Variants in PCDH15 observed in about 807,000 individuals in gnomAD.
PCDH15 encodes the protein protocadherin-15.
Under a neutral mutation model 178.5 loss-of-function variants are expected in PCDH15, and 129 were observed. The observed-to-expected ratio is 0.72, with a 90% confidence interval of 0.63 to 0.84. PCDH15 has a LOEUF of 0.84. Among genes scored for constraint, PCDH15 ranks in the 40% least tolerant of loss-of-function variants. The pLI is 0.00. For missense variants in PCDH15, 2,230 were observed against 2,099.9 expected (o/e 1.06, Z -1.21); for synonymous variants, 800 against 732.0 (o/e 1.09, Z -1.50).
intron 2 of PCDH15, among the ~76,000 whole-genome samples, chr10:55,533,429 C>T (rs12250581): frequency 6.6e-6 from 1 of 151,980 alleles, no homozygotes; most frequent in Non-Finnish European, 1.5e-5. Context: ...TTTCTATACA[C>T]TAATAATGTC....
At chr10:54,086,401 T>C (rs2094517733) in intron 16 of PCDH15, among the ~76,000 whole-genome samples, 1 of 152,094 alleles carries the variant, frequency 6.6e-6, no homozygotes, top group Non-Finnish European at 1.5e-5. Flanking sequence ...AGGCCCCATC[T>C]CCAACATGAG....
intron 9 of PCDH15, among the ~76,000 whole-genome samples, chr10:54,232,454 C>T (rs2054171345): frequency 6.6e-6 from 1 of 152,178 alleles, no homozygotes; most frequent in East Asian, 1.9e-4. Flanking sequence ...AACAGACTAA[C>T]ACAGAAGAGG....
At chr10:55,526,971 T>C (rs765764386) in intron 2 of PCDH15, among the ~76,000 whole-genome samples, 4 of 152,184 alleles carry the variant, frequency 2.6e-5, no homozygotes, top group South Asian at 4.1e-4. Flanking sequence ...TGCCTAGCTG[T>C]TTTTATTATG....
chr10:54,153,240 G>C lies in PCDH15; in HGVS notation c.1644C>G (p.Ile548Met). 2.5e-6 allele frequency: 4 copies of C among 1,613,808 alleles called. No homozygotes were observed. The highest frequency in any genetic ancestry group is 3.4e-6 in the Non-Finnish European group (4 of 1,179,866). The change falls in exon 14 of 38, where the codon ATC (isoleucine) becomes ATG (methionine). Residue 548 changes from isoleucine to methionine, a missense_variant. By Grantham distance (10) the Ile-to-Met change is conservative. Coordinates refer to ENST00000644397, the MANE Select transcript of PCDH15 (RefSeq NM_001384140.1). ...TGAAGTCTCCCTGAGCCCCAACAAGGATTTCATATGTGATCTCCCCATTTG... is the reference window on the plus strand; with the variant it reads ...TGAAGTCTCCCTGAGCCCCAACAAGCATTTCATATGTGATCTCCCCATTTG... Reference protein sequence around the residue: ...EGSNGEITYEILVGAQGDFII... With the variant: ...EGSNGEITYEMLVGAQGDFII...
At chr10:54,961,376 G>C (rs886562094) in intron 2 of PCDH15, among the ~76,000 whole-genome samples, 5 of 152,202 alleles carry the variant, frequency 3.3e-5, no homozygotes. Flanking sequence ...TGAACATCCT[G>C]GGTGCTATGG....
At chr10:54,543,888 G>C (rs998120541) in intron 2 of PCDH15, among the ~76,000 whole-genome samples, 11 of 152,134 alleles carry the variant, frequency 7.2e-5, no homozygotes, top group Admixed American at 3.3e-4. Context: ...TAGTCCCAAT[G>C]CACTTTCTCT....
chr10:54,677,951 T>C (rs577552864), intron 1 of PCDH15, among the ~76,000 whole-genome samples: 25 of 152,246 alleles, frequency 1.6e-4, no homozygotes, highest in African/African-American at 5.8e-4. Context: ...AATCACAATC[T>C]TTGAAAATTC....
chr10:54,600,211 G>T (rs2092459653), intron 2 of PCDH15: 6 of 609,562 alleles, frequency 9.8e-6, no homozygotes, highest in South Asian at 9.8e-5. Flanking sequence ...GGTGCACTTG[G>T]AGAAAGAGAC....
intron 2 of PCDH15, among the ~76,000 whole-genome samples, chr10:55,426,212 T>A (rs1838750444): frequency 6.6e-6 from 1 of 152,110 alleles, no homozygotes; most frequent in Non-Finnish European, 1.5e-5. Context: ...AGCAGGATAT[T>A]CCCCTGACCT....
intron 2 of PCDH15, among the ~76,000 whole-genome samples, chr10:54,939,079 AT>A (rs1229354987): frequency 6.6e-6 from 1 of 152,114 alleles, no homozygotes; most frequent in Non-Finnish European, 1.5e-5. Flanking sequence ...AAGTCACTGA[AT>A]TTTTGGTATT....
chr10:54,083,557 T>C (rs1003207158), intron 16 of PCDH15, among the ~76,000 whole-genome samples: 3 of 152,216 alleles, frequency 2.0e-5, no homozygotes, highest in Non-Finnish European at 2.9e-5. Context: ...ATTCCATTTC[T>C]GTAGAATATT....
intron 35 of PCDH15, among the ~76,000 whole-genome samples, chr10:53,815,141 T>C (rs995536125): frequency 9.2e-5 from 14 of 152,148 alleles, no homozygotes; most frequent in African/African-American, 1.9e-4. Flanking sequence ...AACACACTAG[T>C]GATTTTCTTG....
chr10:54,834,711 T>G (rs913962375), intron 3 of PCDH15, among the ~76,000 whole-genome samples: 2 of 152,230 alleles, frequency 1.3e-5, no homozygotes, highest in Non-Finnish European at 2.9e-5. Context: ...TTAAGATGTC[T>G]TAGTTTATGT....
At chr10:55,345,715 G>T (rs1249157593) in intron 2 of PCDH15, among the ~76,000 whole-genome samples, 1 of 151,764 alleles carries the variant, frequency 6.6e-6, no homozygotes, top group Non-Finnish European at 1.5e-5. Context: ...TTCATGTTTT[G>T]TATAACAACT....
intron 1 of PCDH15, among the ~76,000 whole-genome samples, chr10:54,761,419 T>C (rs1051217445): frequency 1.3e-5 from 2 of 152,084 alleles, no homozygotes; most frequent in Non-Finnish European, 2.9e-5. Flanking sequence ...CAGTGGTTCA[T>C]GCCTGTAATT....
intron 2 of PCDH15, among the ~76,000 whole-genome samples, chr10:55,517,314 T>C (rs992962500): frequency 2.6e-5 from 4 of 152,100 alleles, no homozygotes; most frequent in Non-Finnish European, 5.9e-5. Flanking sequence ...TTAAATATTT[T>C]GAGCACTGAA....
At chr10:54,779,530 AC>A (rs1181604225) in intron 1 of PCDH15, among the ~76,000 whole-genome samples, 1 of 145,078 alleles carries the variant, frequency 6.9e-6, no homozygotes, top group African/African-American at 2.5e-5. Context: ...ATATATACAC[AC>A]ACATATATAT....
intron 31 of PCDH15, 95 bp from the exon 32 acceptor site, chr10:53,827,643 G>T (rs2076773616): frequency 7.1e-7 from 1 of 1,406,894 alleles, no homozygotes; most frequent in Non-Finnish European, 9.9e-7. Context: ...AGTTATCAGG[G>T]GAACCCACTA....
chr10:54,347,866 T>C (rs1346051287), intron 5 of PCDH15, among the ~76,000 whole-genome samples: 1 of 152,158 alleles, frequency 6.6e-6, no homozygotes, highest in Admixed American at 6.5e-5. Flanking sequence ...TATTTATTTT[T>C]GAGATGGAGT....
Sources: allele counts gnomAD v4.1 joint callset (sites outside exome capture counted in the v4.1 genomes callset), GRCh38; gene constraint gnomAD v4.1.1; transcripts MANE v1.5; gene names NCBI Gene and HGNC (gene_info 2026-07-23, HGNC 2026-07-21).